The following MTCL2 variants were observed in gnomAD, a reference collection of about 807,000 sequenced individuals.
MTCL2 encodes the protein microtubule crosslinking factor 2.
At chr20:36,836,484 AC>A in the MTCL2 span, among the ~76,000 whole-genome samples, 10 of 150,974 alleles carry the variant, frequency 6.6e-5, no homozygotes, top group African/African-American at 2.2e-4. Context: ...AGCTGGGAGT[AC>A]AGGCGTGTAC....
the MTCL2 span, among the ~76,000 whole-genome samples, chr20:36,853,700 GGGGTGTGT>G: frequency 1.8e-4 from 22 of 120,106 alleles, no homozygotes; most frequent in African/African-American, 6.3e-4. Flanking sequence ...CTATCAGGGA[GGGGTGTGT>G]GTGTGTGTGT....
chr20:36,860,914 C>T, the MTCL2 span, among the ~76,000 whole-genome samples: 1 of 152,182 alleles, frequency 6.6e-6, no homozygotes, highest in Non-Finnish European at 1.5e-5. Flanking sequence ...TGTGAGATCC[C>T]GGGCTCAACC....
chr20:36,797,004 G>A, the MTCL2 span: 1 of 1,557,408 alleles, frequency 6.4e-7, no homozygotes, highest in Non-Finnish European at 8.9e-7. Context: ...AGAGCACTAA[G>A]GGCATGGAAC....
the MTCL2 span, chr20:36,804,773 C>G: frequency 1.8e-5 from 29 of 1,613,810 alleles, no homozygotes; most frequent in African/African-American, 3.6e-4. Flanking sequence ...CGCTCTGTCT[C>G]CCAGGTAGCC....
the MTCL2 span, chr20:36,805,826 A>C: frequency 6.4e-7 from 1 of 1,569,356 alleles, no homozygotes; most frequent in Non-Finnish European, 8.7e-7. Flanking sequence ...TGGACACAAC[A>C]GGACCGGGAA....
chr20:36,810,099 C>G, the MTCL2 span: 1 of 1,595,624 alleles, frequency 6.3e-7, no homozygotes, highest in Non-Finnish European at 8.5e-7. Flanking sequence ...CCAGCTGCAG[C>G]TCCTTGATCT....
chr20:36,858,393 AAC>A, the MTCL2 span, among the ~76,000 whole-genome samples: 1,944 of 26,178 alleles, frequency 0.074, 62 homozygotes, highest in Middle Eastern at 0.16. Flanking sequence ...AAGGAGGGAA[AAC>A]ACACACACAC....
At chr20:36,794,697 A>T in the MTCL2 span, 1 of 1,488,142 alleles carries the variant, frequency 6.7e-7, no homozygotes, top group South Asian at 1.1e-5. This position sits in a 1 kb window ranked among gnomAD's most constrained non-coding sequence, Gnocchi z 5.4. Context: ...GTGAGGGCAA[A>T]GACCAGGACC....
At chr20:36,786,909 A>G in the MTCL2 span, among the ~76,000 whole-genome samples, 1 of 152,186 alleles carries the variant, frequency 6.6e-6, no homozygotes, top group Non-Finnish European at 1.5e-5. Context: ...CTTAACATAC[A>G]TTTACCAAAA....
the MTCL2 span, among the ~76,000 whole-genome samples, chr20:36,826,568 G>C: frequency 6.6e-6 from 1 of 151,356 alleles, no homozygotes; most frequent in African/African-American, 2.4e-5. Context: ...TGTAGAGACG[G>C]GGTTTTGCCA....
the MTCL2 span, among the ~76,000 whole-genome samples, chr20:36,788,909 C>T: frequency 2.7e-4 from 41 of 150,966 alleles, no homozygotes; most frequent in Non-Finnish European, 5.3e-4. Flanking sequence ...CGGGTTCGAG[C>T]GATTCTCCTG....
the MTCL2 span, chr20:36,785,916 G>A: frequency 1.0e-6 from 1 of 986,818 alleles, no homozygotes; most frequent in African/African-American, 1.7e-5. Context: ...TAGTGTCCCA[G>A]CAATCTAGAG....
chr20:36,846,424 C>T, the MTCL2 span, among the ~76,000 whole-genome samples: 2,068 of 152,258 alleles, frequency 0.014, 49 homozygotes, highest in African/African-American at 0.045. Flanking sequence ...GGACTAGAAA[C>T]GGGGAATAGG....
At chr20:36,807,037 C>T in the MTCL2 span, among the ~76,000 whole-genome samples, 8 of 152,264 alleles carry the variant, frequency 5.3e-5, no homozygotes, top group South Asian at 1.7e-3. Context: ...GAGAGGGCTC[C>T]TATGTTTCCA....
the MTCL2 span, chr20:36,786,648 G>C: frequency 2.6e-6 from 4 of 1,544,108 alleles, no homozygotes; most frequent in African/African-American, 5.5e-5. Context: ...CTAGGAAGAG[G>C]GAGGCAGGGA....
chr20:36,835,721 T>G, the MTCL2 span, among the ~76,000 whole-genome samples: 2 of 152,110 alleles, frequency 1.3e-5, no homozygotes, highest in African/African-American at 2.4e-5. Flanking sequence ...GCGCTCCAGC[T>G]GCAGCGTGGG....
the MTCL2 span, among the ~76,000 whole-genome samples, chr20:36,824,071 G>A: frequency 6.6e-6 from 1 of 152,258 alleles, no homozygotes; most frequent in Non-Finnish European, 1.5e-5. Flanking sequence ...GGTGGGGCAA[G>A]GAGCATAGGG....
the MTCL2 span, among the ~76,000 whole-genome samples, chr20:36,843,285 C>T: frequency 6.6e-6 from 1 of 152,174 alleles, no homozygotes; most frequent in Non-Finnish European, 1.5e-5. Context: ...ACTGGGGTTG[C>T]CAGCGCCCCC....
At chr20:36,792,454 G>A in the MTCL2 span, among the ~76,000 whole-genome samples, 2 of 152,072 alleles carry the variant, frequency 1.3e-5, no homozygotes, top group South Asian at 2.1e-4. Context: ...ACAGTGAGCC[G>A]AGATTGAGTC....
Sources: gnomAD v4.1 joint callset for allele counts (sites outside exome capture counted in the v4.1 genomes callset) on GRCh38, gnomAD v4.1.1 for gene constraint, Gnocchi (gnomAD v3.1) non-coding constraint, MANE v1.5 for transcripts, NCBI Gene and HGNC (gene_info 2026-07-23, HGNC 2026-07-21) for gene names.